Variants in USP20 observed in about 807,000 individuals in gnomAD.
USP20 encodes ubiquitin specific peptidase 20.
In USP20, 80 loss-of-function variants were observed where a neutral mutation model predicts 124.2. The observed-to-expected ratio is 0.64, with a 90% CI of 0.54 to 0.78. USP20 has a LOEUF of 0.78. Among genes scored for constraint, USP20 ranks in the 30% least tolerant of loss-of-function variants. The pLI is 0.00. For synonymous variants in USP20, 481 were observed against 512.3 expected, an observed-to-expected ratio of 0.94 and a Z score of 0.83; for missense variants, 1,043 against 1,244.4, an observed-to-expected ratio of 0.84 and a Z score of 2.44.
chr9:129,855,231 G>T (rs1444547743), intron 3 of USP20, among the ~76,000 whole-genome samples: 5 of 152,070 alleles, frequency 3.3e-5, no homozygotes, highest in Non-Finnish European at 7.4e-5. Context: ...GGAGATCGAG[G>T]CCATCCTGGC....
intron 1 of USP20, among the ~76,000 whole-genome samples, chr9:129,847,402 A>G (rs1352886115): frequency 6.6e-6 from 1 of 150,914 alleles, no homozygotes; most frequent in East Asian, 1.9e-4. Flanking sequence ...TCCCAGGTTC[A>G]AGTGATTCTT....
chr9:129,876,146 G>C lies in USP20; in HGVS notation c.2317G>C (p.Ala773Pro). The change falls in exon 22 of 26, where the codon GCC (alanine) becomes CCC (proline). Residue 773 changes from alanine to proline, a missense_variant. Physicochemically the swap from Ala to Pro is conservative, Grantham distance 27. Coordinates refer to ENST00000372429, the MANE Select transcript of USP20 (RefSeq NM_001110303.4). Reference protein sequence around the residue: ...HLYNRFGGGPAVNHLYVCSIC... With the variant: ...HLYNRFGGGPPVNHLYVCSIC... ...TGGGCACAGATTCGGGGGTGGCCCCGCCGTGAACCACCTGTACGTGTGCTC... is the reference window on the plus strand; with the variant it reads ...TGGGCACAGATTCGGGGGTGGCCCCCCCGTGAACCACCTGTACGTGTGCTC... 1 of 1,613,184 alleles carries C rather than the reference G, an allele frequency of 6.2e-7. No homozygotes were observed.
At chr9:129,878,542 A>G in intron 23 of USP20, 102 bp downstream of exon 23, 1 of 1,059,376 alleles carries the variant, frequency 9.4e-7, no homozygotes, top group East Asian at 2.6e-5. Flanking sequence ...TGCAGGCCCC[A>G]TGCCTGCCCC....
At chr9:129,846,416 C>CGT (rs200889260) in intron 1 of USP20, among the ~76,000 whole-genome samples, 1,645 of 150,708 alleles carry the variant, frequency 0.011, 34 homozygotes, top group African/African-American at 0.038. Context: ...CACCACCATG[C>CGT]CCACCTAATT....
chr9:129,870,376 A>G, intron 14 of USP20, 77 bp from the exon 15 acceptor site: 16 of 1,488,298 alleles, frequency 1.1e-5, no homozygotes, highest in Non-Finnish European at 1.5e-5. Flanking sequence ...GGCCTGACAG[A>G]CCTCAGCCAG....
chr9:129,872,566 A>G (rs779025348), intron 15 of USP20, among the ~76,000 whole-genome samples: 28 of 152,070 alleles, frequency 1.8e-4, no homozygotes, highest in Admixed American at 6.5e-5. Context: ...GGTTGCCTGC[A>G]CCTTTGGTGT....
chr9:129,868,462 CG>C lies in USP20; in HGVS notation c.1135+17del. ...TGCCGGACGCCAGGTATCAGCTGGC[CG>C]GGGACTGCGGGAGGAACCTCAGCCT... On this transcript the variant is annotated intron_variant, in intron 11 of 25. Transcript: ENST00000372429. 6.2e-7 allele frequency: 1 copy of C among 1,604,396 alleles called. No homozygotes were observed. Among genetic ancestry groups the C allele is most frequent in the Non-Finnish European group, 8.5e-7 (1 of 1,174,864 alleles).
At chr9:129,861,482 C>G in intron 7 of USP20, 61 bp from the exon 8 acceptor site, 1 of 1,522,834 alleles carries the variant, frequency 6.6e-7, no homozygotes, top group Non-Finnish European at 9.1e-7. Context: ...ATGTGACTTG[C>G]AAGGTTTCCT....
In USP20 at chr9:129,876,190, C is replaced by G; in HGVS notation, c.2361C>G (p.Ile787Met). 1.2e-6 allele frequency: 2 copies of G among 1,613,282 alleles called. No individual in the cohort carries two copies. Among genetic ancestry groups the G allele is most frequent in the Non-Finnish European group, 1.7e-6 (2 of 1,179,966 alleles). The change falls in exon 22 of 26, where the codon ATC (isoleucine) becomes ATG (methionine). Residue 787 changes from isoleucine (I) to methionine (M), a missense_variant. Coordinates refer to ENST00000372429, the MANE Select transcript of USP20 (RefSeq NM_001110303.4). ...TGTGCTCCATCTGCCAGGTGGAGAT[C>G]GAGGCACTGGCCAAGCGCAGGAGGA... ...LYVCSICQVE[I>M]EALAKRRRIE...
chr9:129,836,857 G>A (rs1192719695), intron 1 of USP20, among the ~76,000 whole-genome samples: 2 of 150,236 alleles, frequency 1.3e-5, no homozygotes, highest in Non-Finnish European at 3.0e-5. Context: ...AGGCTCCTTG[G>A]GAATTGCTGC....
intron 15 of USP20, among the ~76,000 whole-genome samples, chr9:129,872,890 T>C (rs1013552594): frequency 6.6e-6 from 1 of 151,946 alleles, no homozygotes; most frequent in Admixed American, 6.6e-5. Flanking sequence ...AATGTTGCAC[T>C]TCCCACCCCA....
At chr9:129,875,032 G>A in intron 19 of USP20, 77 bp downstream of exon 19, 1 of 1,557,770 alleles carries the variant, frequency 6.4e-7, no homozygotes, top group Middle Eastern at 2.3e-4. Flanking sequence ...CTGGGTGTGT[G>A]TAGGGGACAG....
At position 129,880,255 on chromosome 9, in the gene USP20, C is replaced by T. The variant is rs757253952; in HGVS notation, c.2727C>T (p.Ala909=). Residue 909 remains alanine, a synonymous_variant, in exon 25 of 26, where the codon GCC becomes GCT. Transcript: ENST00000372429. ...TGCACGGGGAGCAGAAGATCGAAGCCGAGACGCGGGCCGTGTGATCTGCTG... is the reference window on the plus strand; with the variant it reads ...TGCACGGGGAGCAGAAGATCGAAGCTGAGACGCGGGCCGTGTGATCTGCTG... ...ENLHGEQKIE[A]ETRAV 6.5e-5 allele frequency: 104 copies of T among 1,605,144 alleles called. No homozygotes were observed. The highest frequency in any genetic ancestry group is 1.8e-4 in the East Asian group (8 of 44,560).
chr9:129,844,587 G>C (rs2032423274), intron 1 of USP20, among the ~76,000 whole-genome samples: 1 of 136,156 alleles, frequency 7.3e-6, no homozygotes, highest in Admixed American at 8.4e-5. Flanking sequence ...TCGCACCACT[G>C]CACTCCAGCC....
At chr9:129,840,103 G>A (rs56965624) in intron 1 of USP20, among the ~76,000 whole-genome samples, 7,048 of 147,376 alleles carry the variant, frequency 0.048, 549 homozygotes, top group African/African-American at 0.16. Context: ...CGGGGCACAC[G>A]CTGCACCTTG....
chr9:129,865,501 G>C (rs865977615), intron 10 of USP20, 120 bp downstream of exon 10: 3 of 1,035,016 alleles, frequency 2.9e-6, no homozygotes, highest in Non-Finnish European at 4.4e-6. Flanking sequence ...CAGGTCTCAC[G>C]GACCAGGCTC....
chr9:129,849,859 C>T lies in USP20; in HGVS notation c.-82C>T, dbSNP rs1413127647. The T allele has an allele frequency of 2.6e-5, 4 of 152,282 alleles. No individual in the cohort carries two copies. The highest frequency in any genetic ancestry group is 5.9e-5 in the Non-Finnish European group (4 of 68,110). The allele number at this position is 152,282 out of a possible 1,614,324, so 9.4% of individuals were successfully genotyped here. ...CTCACTCCAGACCCCTATAGCCCGTCGCTGTCAGCTGTCAACAAAGGATGC... is the reference window on the plus strand; with the variant it reads ...CTCACTCCAGACCCCTATAGCCCGTTGCTGTCAGCTGTCAACAAAGGATGC... On this transcript the variant is annotated 5_prime_UTR_variant, in exon 2 of 26. Transcript: ENST00000372429.
intron 19 of USP20, 77 bp from the exon 20 acceptor site, chr9:129,875,233 A>C: frequency 1.4e-6 from 2 of 1,450,378 alleles, no homozygotes; most frequent in Non-Finnish European, 1.8e-6. Flanking sequence ...CCCGAGGTGC[A>C]CTGGGATGGG....
intron 6 of USP20, among the ~76,000 whole-genome samples, chr9:129,860,102 G>A (rs1044156608): frequency 2.6e-5 from 4 of 151,992 alleles, no homozygotes; most frequent in African/African-American, 4.8e-5. Context: ...AGGCCGAGGC[G>A]GGCAGATCAC....
Sources: allele counts gnomAD v4.1 joint callset (sites outside exome capture counted in the v4.1 genomes callset), GRCh38; gene constraint gnomAD v4.1.1; transcripts MANE v1.5; gene names NCBI Gene and HGNC (gene_info 2026-07-23, HGNC 2026-07-21).